UBXN2A: variants seen among roughly 807,000 people sequenced by gnomAD.
The protein encoded by UBXN2A is UBX domain protein 2A.
In UBXN2A, 28 loss-of-function variants were observed where a neutral mutation model predicts 28.4. That is an observed-to-expected ratio of 0.99 (90% CI 0.73 to 1.35). UBXN2A has a LOEUF of 1.35. Ranked by LOEUF, UBXN2A falls within the 40% of genes most tolerant of loss-of-function variation. The pLI is 0.00. For synonymous variants in UBXN2A, 97 were observed against 103.6 expected, an observed-to-expected ratio of 0.94 and a Z score of 0.39; for missense variants, 253 against 297.9, an observed-to-expected ratio of 0.85 and a Z score of 1.11.
rs1287225426 is a variant in UBXN2A, at chr2:23,990,591, T to TG, written c.584+5762dup. 5.3e-5 allele frequency among the ~76,000 whole-genome samples: 8 copies of TG among 151,616 alleles called. No homozygotes were observed. The East Asian group carries it at 1.4e-3, about 26-fold the overall frequency. ...AAGTTCAAGACCAACCTGGCCAACA[T>TG]GGTGAAACCCCATCTCCACAAAAAA... is the stretch of plus-strand genomic sequence containing the variant. On this transcript the variant is annotated intron_variant, in intron 6 of 6. Transcript: ENST00000309033.
chr2:23,951,954 T>C (rs1706393042), intron 1 of UBXN2A, among the ~76,000 whole-genome samples: 1 of 150,884 alleles, frequency 6.6e-6, no homozygotes, highest in African/African-American at 2.4e-5. Flanking sequence ...TATGATTTCC[T>C]GAAGTTTTTT....
intron 3 of UBXN2A, among the ~76,000 whole-genome samples, chr2:23,974,408 T>C (rs1293443799): frequency 1.5e-4 from 21 of 142,584 alleles, no homozygotes; most frequent in Admixed American, 4.2e-4. Context: ...TGCAGTGGCG[T>C]GATCTCGGCT....
chr2:23,928,091 A>G (rs1336278201), intron 1 of UBXN2A, among the ~76,000 whole-genome samples: 2 of 151,762 alleles, frequency 1.3e-5, no homozygotes, highest in African/African-American at 2.4e-5. Flanking sequence ...CATGAGAACC[A>G]CTTGAACCCA....
upstream of UBXN2A, among the ~76,000 whole-genome samples, chr2:23,936,747 G>C (rs930627197): frequency 6.6e-5 from 10 of 152,148 alleles, no homozygotes; most frequent in Admixed American, 4.6e-4. Flanking sequence ...GTCTTGCTCT[G>C]TCACCCAGGC....
chr2:23,941,223 A>G (rs1214904294), intron 1 of UBXN2A, among the ~76,000 whole-genome samples: 2 of 151,942 alleles, frequency 1.3e-5, no homozygotes, highest in African/African-American at 4.8e-5. Context: ...TTGAGTTCCT[A>G]TGTACGTAAT....
chr2:23,963,372 A>C (rs1371582013), intron 2 of UBXN2A, among the ~76,000 whole-genome samples: 1 of 151,686 alleles, frequency 6.6e-6, no homozygotes, highest in Non-Finnish European at 1.5e-5. Flanking sequence ...AAAAGTAGCC[A>C]GGCGTGGTGG....
chr2:23,943,881 C>T (rs561379608), intron 1 of UBXN2A: 27 of 398,046 alleles, frequency 6.8e-5, no homozygotes, highest in Admixed American at 1.1e-4. Flanking sequence ...TTGGAGTGGT[C>T]ATTGCCTCCG....
intron 5 of UBXN2A, 42 bp from the exon 6 acceptor site, chr2:23,984,631 G>C (rs1233552020): frequency 1.4e-6 from 2 of 1,400,030 alleles, no homozygotes; most frequent in African/African-American, 1.5e-5. Context: ...AAGTTTTATT[G>C]AATGGAAAAA....
intron 6 of UBXN2A, among the ~76,000 whole-genome samples, chr2:23,993,538 T>G (rs1391521153): frequency 6.6e-6 from 1 of 152,190 alleles, no homozygotes; most frequent in Non-Finnish European, 1.5e-5. Flanking sequence ...ACAAATATGT[T>G]ACTTCTACGA....
At chr2:23,936,867 C>T (rs904211502), upstream of UBXN2A, among the ~76,000 whole-genome samples, 9 of 151,930 alleles carry the variant, frequency 5.9e-5, no homozygotes, top group South Asian at 2.1e-4. Flanking sequence ...CCTGCCACCA[C>T]GCCTGGCTAA....
chr2:23,936,555 A>G (rs921374835), upstream of UBXN2A, among the ~76,000 whole-genome samples: 6 of 151,980 alleles, frequency 3.9e-5, no homozygotes, highest in Admixed American at 1.3e-4. Context: ...CAAAAAAAAA[A>G]AGAGAGAAAG....
intron 1 of UBXN2A, among the ~76,000 whole-genome samples, chr2:23,952,387 C>T (rs1197447203): frequency 2.6e-5 from 4 of 151,968 alleles, no homozygotes; most frequent in South Asian, 2.1e-4. Flanking sequence ...TCTCAGCCTC[C>T]GGAGTAGCTG....
chr2:23,942,517 T>G (rs917249325), intron 1 of UBXN2A, among the ~76,000 whole-genome samples: 3 of 150,440 alleles, frequency 2.0e-5, no homozygotes, highest in Non-Finnish European at 4.4e-5. Context: ...TCTTCCGGAT[T>G]CAAGCGATTC....
In UBXN2A at chr2:24,002,643, C is replaced by T. The variant is rs1211825984; in HGVS notation, c.*2776C>T. 6 of 152,190 alleles carry T rather than the reference C, an allele frequency of 3.9e-5. No homozygotes were observed. The highest frequency in any genetic ancestry group is 3.3e-4 in the Admixed American group (5 of 15,266). The allele number at this position is 152,190 out of a possible 1,614,324, so 9.4% of individuals were successfully genotyped here. A position where few individuals can be genotyped will look rare whatever the true frequency, so the allele number is the denominator to read the frequency against. Reference sequence around the variant, plus strand: ...CTGGCTGGCCTCTAACTCGTAACCTCAGGTGATCCGCCCGCCTTGGCCTCC... The same window carrying T: ...CTGGCTGGCCTCTAACTCGTAACCTTAGGTGATCCGCCCGCCTTGGCCTCC... On this transcript the variant is annotated 3_prime_UTR_variant, in exon 7 of 7. Transcript: ENST00000309033.
intron 6 of UBXN2A, among the ~76,000 whole-genome samples, chr2:23,985,080 A>G (rs143871254): frequency 6.7e-6 from 1 of 149,172 alleles, no homozygotes; most frequent in African/African-American, 2.4e-5. Flanking sequence ...TTTTTTTTTT[A>G]ATTTTTATTT....
At chr2:23,971,444 C>T (rs1533440) in intron 3 of UBXN2A, 30 bp downstream of exon 3, 839,434 of 1,483,578 alleles carry the variant, frequency 0.57, 241,692 homozygotes, top group East Asian at 0.81. Context: ...TTTTCTTTTT[C>T]TTTCAGTGTT....
At chr2:23,988,286 C>A (rs1708210803) in intron 6 of UBXN2A, among the ~76,000 whole-genome samples, 2 of 152,166 alleles carry the variant, frequency 1.3e-5, no homozygotes, top group Admixed American at 1.3e-4. Flanking sequence ...GGAAACTTAA[C>A]CTTAATACGC....
chr2:23,978,299 C>T (rs1223784788), intron 4 of UBXN2A, among the ~76,000 whole-genome samples: 2 of 152,126 alleles, frequency 1.3e-5, no homozygotes, highest in African/African-American at 4.8e-5. Flanking sequence ...TGGTAGAAGT[C>T]TCTCTGACCC....
At chr2:23,991,419 AC>A (rs1708347319) in intron 6 of UBXN2A, among the ~76,000 whole-genome samples, 1 of 146,526 alleles carries the variant, frequency 6.8e-6, no homozygotes, top group Admixed American at 6.8e-5. Flanking sequence ...ACACACACAC[AC>A]ACACACACAC....
Sources: allele counts gnomAD v4.1 joint callset (sites outside exome capture counted in the v4.1 genomes callset), GRCh38; gene constraint gnomAD v4.1.1; transcripts MANE v1.5; gene names NCBI Gene and HGNC (gene_info 2026-07-23, HGNC 2026-07-21).